Variants in CSNK2A1 observed in about 807,000 individuals in gnomAD.
The protein encoded by CSNK2A1 is casein kinase II subunit alpha.
A neutral mutation model predicts 62.9 loss-of-function variants in CSNK2A1; 10 were observed. The observed-to-expected ratio is 0.16, with a 90% CI of 0.10 to 0.27. The LOEUF is 0.27. Among genes scored for constraint, CSNK2A1 ranks in the 10% least tolerant of loss-of-function variants. The pLI is 1.00. For synonymous variants in CSNK2A1, 124 were observed against 167.8 expected, an observed-to-expected ratio of 0.74 and a Z score of 2.02; for missense variants, 160 against 492.0, an observed-to-expected ratio of 0.33 and a Z score of 6.38.
intron 7 of CSNK2A1, 31 bp from the exon 8 acceptor site, chr20:495,833 G>T: frequency 6.3e-7 from 1 of 1,580,144 alleles, no homozygotes; most frequent in Non-Finnish European, 8.7e-7. Context: ...AAAGGAGTTA[G>T]CCTGAATAAT....
chr20:508,737 T>C, intron 2 of CSNK2A1, 77 bp from the exon 3 acceptor site: 2 of 558,994 alleles, frequency 3.6e-6, no homozygotes, highest in Non-Finnish European at 6.3e-6. Flanking sequence ...TTACAAATAA[T>C]AATGGCCTGA....
At chr20:487,714 C>T (rs1176842466) in intron 11 of CSNK2A1, 139 bp from the exon 12 acceptor site, 80 of 1,124,514 alleles carry the variant, frequency 7.1e-5, no homozygotes, top group Non-Finnish European at 9.2e-5. Flanking sequence ...AGTCTTGCAC[C>T]GCTCTGCCAC....
At chr20:489,485 G>A (rs551332725) in intron 10 of CSNK2A1, 30 of 396,912 alleles carry the variant, frequency 7.6e-5, no homozygotes, top group Middle Eastern at 1.3e-3. Flanking sequence ...CTCACATATT[G>A]GAGAAAACAC....
chr20:494,501 C>A (rs2122528253), intron 8 of CSNK2A1: 1 of 152,256 alleles, frequency 6.6e-6, no homozygotes, highest in African/African-American at 2.4e-5. Flanking sequence ...TTCCAAAATG[C>A]CAAACTTTGC....
chr20:495,385 C>A, intron 8 of CSNK2A1: 1 of 241,786 alleles, frequency 4.1e-6, no homozygotes, highest in Non-Finnish European at 8.2e-6. Flanking sequence ...CTATTATTAC[C>A]CACACTGTAC....
chr20:524,702 C>G lies in CSNK2A1; in HGVS notation c.-110+3231G>C, dbSNP rs115393803. 3.9e-3 allele frequency among the ~76,000 whole-genome samples: 393 copies of G among 101,058 alleles called. 2 individuals carry two copies. Among genetic ancestry groups the G allele is most frequent in the African/African-American group, 0.015 (359 of 23,980 alleles). The allele number at this position is 101,058 out of a possible 152,430, so 66.3% of individuals were successfully genotyped here. A position where few individuals can be genotyped will look rare whatever the true frequency, so the allele number is the denominator to read the frequency against. ...CACTCCAGCATGGGTGACGGAGACT[C>G]CATCTCAAAAAAAAAAAAAAAAAAA... is the stretch of plus-strand genomic sequence containing the variant. On this transcript the variant is annotated intron_variant, in intron 2 of 13. Coordinates refer to ENST00000217244, the MANE Select transcript of CSNK2A1 (RefSeq NM_177559.3).
rs1479325805 is a variant in CSNK2A1, at chr20:482,536, T to G, written c.*1425A>C. ...GCTTTGGCTTGTGGTGCTTTTTTTT[T>G]AAGGCCTCTCTGCTCTGCCCGGTAC... On this transcript the variant is annotated 3_prime_UTR_variant, in exon 14 of 14. Coordinates refer to ENST00000217244, the MANE Select transcript of CSNK2A1 (RefSeq NM_177559.3). 6.6e-6 allele frequency: 1 copy of G among 152,188 alleles called. No homozygotes were observed. The highest frequency in any genetic ancestry group is 1.5e-5 in the Non-Finnish European group (1 of 68,060). The allele number at this position is 152,188 out of a possible 1,614,324, so 9.4% of individuals were successfully genotyped here.
chr20:493,046 G>A (rs1248046343), intron 8 of CSNK2A1, among the ~76,000 whole-genome samples: 2 of 152,058 alleles, frequency 1.3e-5, no homozygotes, highest in Admixed American at 6.6e-5. Flanking sequence ...GAAAAACATC[G>A]GACTGCTCTG....
chr20:529,486 C>T (rs1465953313), intron 1 of CSNK2A1, among the ~76,000 whole-genome samples: 1 of 152,122 alleles, frequency 6.6e-6, no homozygotes, highest in South Asian at 2.1e-4. Context: ...TGCAGTATTG[C>T]AGTGCTTGTC....
At chr20:536,571 C>G (rs1442270459) in intron 1 of CSNK2A1, among the ~76,000 whole-genome samples, 4 of 152,174 alleles carry the variant, frequency 2.6e-5, no homozygotes, top group Non-Finnish European at 5.9e-5. Flanking sequence ...GTTAAGTAAA[C>G]TTCCCCAAAC....
chr20:501,966 G>A (rs2018481280), intron 4 of CSNK2A1: 1 of 152,112 alleles, frequency 6.6e-6, no homozygotes, highest in African/African-American at 2.4e-5. Flanking sequence ...TTTTAACTTT[G>A]TCTTAAGCCT....
intron 2 of CSNK2A1, among the ~76,000 whole-genome samples, chr20:526,514 G>A (rs2019093135): frequency 6.6e-6 from 1 of 151,744 alleles, no homozygotes; most frequent in Non-Finnish European, 1.5e-5. Context: ...AGGAGGCTAA[G>A]GCAGGAAGAT....
chr20:538,242 C>A (rs1178442992), intron 1 of CSNK2A1, among the ~76,000 whole-genome samples: 1 of 152,106 alleles, frequency 6.6e-6, no homozygotes, highest in Admixed American at 6.5e-5. Flanking sequence ...CCACCATGCC[C>A]GGCCAACAGT....
chr20:493,663 C>T (rs775412746), intron 8 of CSNK2A1, among the ~76,000 whole-genome samples: 4 of 152,282 alleles, frequency 2.6e-5, no homozygotes, highest in South Asian at 2.1e-4. Context: ...TTTACATGCA[C>T]GCATGTGTTT....
intron 13 of CSNK2A1, among the ~76,000 whole-genome samples, chr20:485,984 A>C (rs2018089623): frequency 6.6e-6 from 1 of 152,238 alleles, no homozygotes. Flanking sequence ...GGCACATGTC[A>C]CGGAACTGTC....
chr20:509,402 T>C (rs2018669709), intron 2 of CSNK2A1, among the ~76,000 whole-genome samples: 1 of 152,248 alleles, frequency 6.6e-6, no homozygotes, highest in Non-Finnish European at 1.5e-5. Context: ...GTTAGAAATA[T>C]GCTATCAAAT....
Position 481,319 on chromosome 20 carries a change from C to A in CSNK2A1, c.*2642G>T, listed in dbSNP as rs2017951485. ...AAAGTTTAAAAATACTTTAAAAAATCTTTCAGAGTAATTGCCAACATAACC... is the reference window on the plus strand; with the variant it reads ...AAAGTTTAAAAATACTTTAAAAAATATTTCAGAGTAATTGCCAACATAACC... On this transcript the variant is annotated 3_prime_UTR_variant, in exon 14 of 14. Transcript: ENST00000217244. 1 of 152,136 alleles carries A rather than the reference C, an allele frequency of 6.6e-6. No homozygotes were observed. Among genetic ancestry groups the A allele is most frequent in the African/African-American group, 2.4e-5 (1 of 41,430 alleles). 9.4% of individuals were successfully genotyped at this position (152,136 alleles called of 1,614,324 possible).
intron 7 of CSNK2A1, 43 bp from the exon 8 acceptor site, chr20:495,845 CG>C: frequency 2.0e-6 from 3 of 1,524,662 alleles, no homozygotes; most frequent in Non-Finnish European, 2.7e-6. Context: ...CTGAATAATA[CG>C]TAAGAGTCCT....
In CSNK2A1 at chr20:476,248, C is replaced by T. The variant is rs2017846450; in HGVS notation, c.*7713G>A. The T allele has an allele frequency of 6.6e-6, 1 of 152,460 alleles. No individual in the cohort carries two copies. Among genetic ancestry groups the T allele is most frequent in the African/African-American group, 2.4e-5 (1 of 41,444 alleles). The allele number at this position is 152,460 out of a possible 1,614,324, so 9.4% of individuals were successfully genotyped here. The stretch of plus-strand genomic sequence containing the variant: ...TCTCTTCTCCAAGACTTCAAGATTC[C>T]TTCCTAGTGAGTTTTTCTTTTTTAC... On this transcript the variant is annotated 3_prime_UTR_variant, in exon 14 of 14. Coordinates refer to ENST00000217244, the MANE Select transcript of CSNK2A1 (RefSeq NM_177559.3).
Sources: allele counts gnomAD v4.1 joint callset (sites outside exome capture counted in the v4.1 genomes callset), GRCh38; gene constraint gnomAD v4.1.1; transcripts MANE v1.5; gene names NCBI Gene and HGNC (gene_info 2026-07-23, HGNC 2026-07-21).